The following ITSN1 variants were observed in gnomAD, a reference collection of about 807,000 sequenced individuals.
ITSN1 encodes intersectin 1, also known as intersectin-1.
Under a neutral mutation model 239.8 loss-of-function variants are expected in ITSN1, and 58 were observed. That is an observed-to-expected ratio of 0.24 (90% CI 0.20 to 0.30). The LOEUF is 0.30. Ranked by LOEUF, ITSN1 falls within the 10% of genes least tolerant of loss-of-function variation. The pLI, the probability that ITSN1 is intolerant of heterozygous loss-of-function variation, is 1.00. For missense variants in ITSN1, 1,558 were observed against 2,103.3 expected (o/e 0.74, Z 5.07); for synonymous variants, 780 against 770.8 (o/e 1.01, Z -0.20).
At chr21:33,851,299 G>T (rs891305992) in intron 29 of ITSN1, among the ~76,000 whole-genome samples, 2 of 152,152 alleles carry the variant, frequency 1.3e-5, no homozygotes, top group Non-Finnish European at 2.9e-5. Context: ...CCTCAGGAGG[G>T]CCCCTCGAGG....
rs146282634 is a variant in ITSN1, at chr21:33,746,881, C to T, written c.347-3262C>T. 5.3e-3 allele frequency among the ~76,000 whole-genome samples: 813 copies of T among 152,046 alleles called. 3 individuals carry two copies. Among genetic ancestry groups the T allele is most frequent in the African/African-American group, 0.011 (453 of 41,484 alleles). On this transcript the variant is annotated intron_variant, in intron 5 of 39. Transcript: ENST00000381318. ...AAAGTTCAATAACTAAGGCTGGGAG[C>T]GGTGGCTCACGGCTGTAATCCCAGC...
chr21:33,714,614 T>G (rs1884687536), intron 1 of ITSN1, among the ~76,000 whole-genome samples: 1 of 58,610 alleles, frequency 1.7e-5, no homozygotes, highest in African/African-American at 7.0e-5. Context: ...AAGTAAGGCA[T>G]AAAATTATTA....
intron 20 of ITSN1, 82 bp from the exon 21 acceptor site, chr21:33,810,893 G>A: frequency 6.7e-7 from 1 of 1,492,010 alleles, no homozygotes; most frequent in South Asian, 1.1e-5. Flanking sequence ...GAGGGCAGAG[G>A]CTTGGGACTT....
rs2069209993 is a variant in ITSN1, at chr21:33,772,119, A to G, written c.1101A>G (p.Lys367=). The G allele has an allele frequency of 1.2e-6, 2 of 1,614,088 alleles. No individual in the cohort carries two copies. The highest frequency in any genetic ancestry group is 1.6e-4 in the Middle Eastern group (1 of 6,084). Residue 367 remains lysine (K), a synonymous_variant, in exon 12 of 40, where the codon AAA becomes AAG. Coordinates refer to ENST00000381318, the MANE Select transcript of ITSN1 (RefSeq NM_003024.3). ...NFERGNLELE[K]RRQALLEQQR... is the part of the protein sequence containing the mutation. ...AACGTGGCAACCTGGAACTGGAGAA[A>G]CGAAGGCAAGCTCTCCTGGAACAGC... is the stretch of plus-strand genomic sequence containing the variant.
intron 11 of ITSN1, among the ~76,000 whole-genome samples, chr21:33,768,365 T>G (rs2068870217): frequency 6.6e-6 from 1 of 152,168 alleles, no homozygotes; most frequent in Non-Finnish European, 1.5e-5. Context: ...CACTGCAACC[T>G]CCGCCTCCCA....
intron 8 of ITSN1, among the ~76,000 whole-genome samples, chr21:33,761,248 T>C (rs2068301700): frequency 2.0e-5 from 3 of 152,010 alleles, no homozygotes; most frequent in Admixed American, 6.6e-5. Context: ...GCTAATTTTT[T>C]GCACTTTTGG....
intron 11 of ITSN1, among the ~76,000 whole-genome samples, chr21:33,769,883 C>T (rs1022746581): frequency 1.9e-4 from 28 of 150,050 alleles, no homozygotes; most frequent in African/African-American, 5.9e-4. Flanking sequence ...TTAGTAGAGA[C>T]GGAGGTTTCA....
intron 16 of ITSN1, among the ~76,000 whole-genome samples, chr21:33,784,835 A>T (rs1221132129): frequency 6.6e-6 from 1 of 152,184 alleles, no homozygotes; most frequent in African/African-American, 2.4e-5. Flanking sequence ...GTTTTCTTGG[A>T]TGAAGAGATA....
chr21:33,875,568 G>A (rs765967594), intron 34 of ITSN1, 47 bp downstream of exon 34: 9 of 1,571,428 alleles, frequency 5.7e-6, no homozygotes, highest in Non-Finnish European at 7.8e-6. Flanking sequence ...GCAGAGCCTC[G>A]CCTGCCAGCC....
intron 29 of ITSN1, among the ~76,000 whole-genome samples, chr21:33,839,810 G>T (rs117683993): frequency 0.017 from 2,618 of 152,280 alleles, 31 homozygotes; most frequent in Non-Finnish European, 0.027. Context: ...CATTGAGTTT[G>T]CATTTGGTTG....
chr21:33,742,364 A>C (rs186814739), intron 5 of ITSN1, among the ~76,000 whole-genome samples: 222 of 152,272 alleles, frequency 1.5e-3, no homozygotes, highest in African/African-American at 5.1e-3. Context: ...CCTATTTTTA[A>C]AATTTTACAC....
rs1294147621 is a variant in ITSN1, at chr21:33,755,361, A to G, written c.688A>G (p.Asn230Asp). ...AAGACTGAAATACAGGCAATTATTCAATAGTCATGACAAAACTATGAGTGG... is the reference window on the plus strand; with the variant it reads ...AAGACTGAAATACAGGCAATTATTCGATAGTCATGACAAAACTATGAGTGG... ...SSRLKYRQLF[N>D]SHDKTMSGHL... The change falls in exon 8 of 40, where the codon AAT becomes GAT. Residue 230 changes from asparagine to aspartate, a missense_variant. Physicochemically the swap from Asn to Asp is conservative, Grantham distance 23. Transcript: ENST00000381318. 1 of 1,608,588 alleles carries G rather than the reference A, an allele frequency of 6.2e-7. No individual in the cohort carries two copies. The highest frequency in any genetic ancestry group is 8.5e-7 in the Non-Finnish European group (1 of 1,176,280).
At chr21:33,818,588 C>T (rs1423454594) in intron 23 of ITSN1, 116 bp downstream of exon 23, 2 of 861,886 alleles carry the variant, frequency 2.3e-6, no homozygotes, top group East Asian at 4.9e-5. Context: ...TCTTCTAGAT[C>T]TTTTAACTGC....
chr21:33,770,244 G>C (rs1420290622), intron 11 of ITSN1, among the ~76,000 whole-genome samples: 1 of 151,658 alleles, frequency 6.6e-6, no homozygotes, highest in South Asian at 2.1e-4. Context: ...TTTATTTTTA[G>C]TAGAGATAGG....
intron 16 of ITSN1, among the ~76,000 whole-genome samples, chr21:33,794,079 C>T (rs1029124961): frequency 3.3e-5 from 5 of 152,208 alleles, no homozygotes; most frequent in Admixed American, 1.3e-4. Context: ...TCCTGCCCTT[C>T]GCTAGCAGGT....
intron 5 of ITSN1, 25 bp downstream of exon 5, chr21:33,735,229 C>G (rs1418592279): frequency 6.2e-7 from 1 of 1,601,790 alleles, no homozygotes; most frequent in African/African-American, 1.3e-5. Flanking sequence ...GAATTGGTTT[C>G]TGTATTTTCT....
chr21:33,802,411 C>A lies in ITSN1; in HGVS notation c.2305-19C>A. On this transcript the variant is annotated intron_variant, in intron 19 of 39. Transcript: ENST00000381318. ...CATATATTTTGCCTTGCTTTCAAACCTTTGCTTTCCTGGTGGAGGTTAAAG... is the reference window on the plus strand; with the variant it reads ...CATATATTTTGCCTTGCTTTCAAACATTTGCTTTCCTGGTGGAGGTTAAAG... 6.2e-7 allele frequency: 1 copy of A among 1,612,456 alleles called. No individual in the cohort carries two copies. The highest frequency in any genetic ancestry group is 8.5e-7 in the Non-Finnish European group (1 of 1,178,962).
At chr21:33,887,901 C>T (rs1482700666) in intron 39 of ITSN1, among the ~76,000 whole-genome samples, 1 of 151,982 alleles carries the variant, frequency 6.6e-6, no homozygotes, top group Non-Finnish European at 1.5e-5. Flanking sequence ...AGCCACTGTG[C>T]CCGGCCACCT....
At chr21:33,677,101 C>T (rs1484148622) in intron 1 of ITSN1, among the ~76,000 whole-genome samples, 3 of 151,868 alleles carry the variant, frequency 2.0e-5, no homozygotes, top group Non-Finnish European at 4.4e-5. Flanking sequence ...CACATGTATA[C>T]ATATGTAACA....
Sources: gnomAD v4.1 joint callset for allele counts (sites outside exome capture counted in the v4.1 genomes callset) on GRCh38, gnomAD v4.1.1 for gene constraint, MANE v1.5 for transcripts, NCBI Gene and HGNC (gene_info 2026-07-23, HGNC 2026-07-21) for gene names.